Variants in NEBL observed in about 807,000 individuals in gnomAD.
The protein encoded by NEBL is nebulette.
In NEBL, 122 loss-of-function variants were observed where a neutral mutation model predicts 140.2. The ratio of observed to expected loss-of-function variants is 0.87; its 90% CI spans 0.75 to 1.01. NEBL has a LOEUF of 1.01. Ranked by LOEUF, NEBL falls within the 50% of genes least tolerant of loss-of-function variation. The probability of loss-of-function intolerance (pLI) is 0.00; values close to 1 mark genes in which losing one functional copy is unlikely to be tolerated. For missense variants in NEBL, 1,365 were observed against 1,231.3 expected (o/e 1.11, Z -1.62); for synonymous variants, 436 against 398.9 (o/e 1.09, Z -1.11).
intron 2 of NEBL, among the ~76,000 whole-genome samples, chr10:21,125,338 T>C (rs1245728251): frequency 6.6e-6 from 1 of 152,146 alleles, no homozygotes; most frequent in African/African-American, 2.4e-5. Flanking sequence ...GAGCTCCTTT[T>C]TACATCATAA....
intron 2 of NEBL, among the ~76,000 whole-genome samples, chr10:21,082,987 C>T (rs2131941800): frequency 6.6e-6 from 1 of 152,224 alleles, no homozygotes; most frequent in South Asian, 2.1e-4. Flanking sequence ...GTCTCGAACT[C>T]CTGACCTCAG....
rs1834935806 is a variant in NEBL at position 20,780,175 on chromosome 10, T to C, written c.*5572A>G. ...AAGCGTAGTGGGGGGAGAAAAGCAA[T>C]TGTGTTCTGTGATAAATGAGCCTTT... On this transcript the variant is annotated 3_prime_UTR_variant, in exon 28 of 28. Transcript: ENST00000377122. The C allele has an allele frequency of 6.6e-6, 1 of 152,100 alleles. No homozygotes were observed. The highest frequency in any genetic ancestry group is 2.4e-5 in the African/African-American group (1 of 41,418). The allele number at this position is 152,100 out of a possible 1,614,324, so 9.4% of individuals were successfully genotyped here. A position where few individuals can be genotyped will look rare whatever the true frequency, so the allele number is the denominator to read the frequency against.
chr10:20,874,156 A>T (rs1845250842), intron 5 of NEBL, among the ~76,000 whole-genome samples: 1 of 151,972 alleles, frequency 6.6e-6, no homozygotes. Flanking sequence ...TTATCTCTTT[A>T]TTCTTTCTCA....
intron 2 of NEBL, among the ~76,000 whole-genome samples, chr10:20,890,320 G>A (rs986535951): frequency 1.3e-5 from 2 of 152,154 alleles, no homozygotes; most frequent in Non-Finnish European, 2.9e-5. Context: ...ATAAGCCTTT[G>A]GCCAAACAGA....
intron 2 of NEBL, among the ~76,000 whole-genome samples, chr10:21,144,977 T>A: frequency 6.8e-6 from 1 of 147,224 alleles, no homozygotes; most frequent in Non-Finnish European, 1.5e-5. Flanking sequence ...AAAAGATATC[T>A]CTCCAAGCAC....
intron 2 of NEBL, among the ~76,000 whole-genome samples, chr10:21,107,189 G>T (rs1837758410): frequency 6.6e-6 from 1 of 152,234 alleles, no homozygotes; most frequent in Non-Finnish European, 1.5e-5. Flanking sequence ...TCTCTTGCCT[G>T]ATTGCCCTAA....
chr10:20,787,281 T>G lies in NEBL; in HGVS notation c.2789A>C (p.Gln930Pro), dbSNP rs1376071560. Residue 930 changes from glutamine (Q) to proline (P), a missense_variant, in exon 27 of 28, where the codon CAA (glutamine) becomes CCA (proline). This residue lies in a region of NEBL where 1,323 missense variants were observed against 1,154.8 expected (regional missense o/e 1.15). Transcript: ENST00000377122. ...GAPVLPGAYQ[Q>P]SHSQGYGYMH... The stretch of plus-strand genomic sequence containing the variant: ...GTAGCCATAGCCTTGGGAATGGCTT[T>G]GCTGATAGGCTCCGGGAAGAACAGG... 1 of 1,613,512 alleles carries G rather than the reference T, an allele frequency of 6.2e-7. No individual in the cohort carries two copies. The highest frequency in any genetic ancestry group is 1.7e-5 in the Admixed American group (1 of 59,970).
chr10:20,991,360 T>C (rs1419692010), intron 3 of NEBL, among the ~76,000 whole-genome samples: 1 of 152,184 alleles, frequency 6.6e-6, no homozygotes, highest in Admixed American at 6.5e-5. Flanking sequence ...GACAGTGTTA[T>C]AAACACTGTC....
At chr10:20,932,613 G>C (rs1436179318) in intron 4 of NEBL, among the ~76,000 whole-genome samples, 1 of 152,158 alleles carries the variant, frequency 6.6e-6, no homozygotes, top group African/African-American at 2.4e-5. Context: ...TTTAAGAAAA[G>C]AATAAGTATT....
chr10:20,800,495 A>G (rs1373341014), intron 26 of NEBL, among the ~76,000 whole-genome samples: 1 of 152,178 alleles, frequency 6.6e-6, no homozygotes, highest in South Asian at 2.1e-4. Context: ...ATATACCAGA[A>G]GAGGAACTGC....
At chr10:20,798,280 T>C (rs1198917988) in intron 26 of NEBL, among the ~76,000 whole-genome samples, 2 of 152,162 alleles carry the variant, frequency 1.3e-5, no homozygotes, top group African/African-American at 2.4e-5. Flanking sequence ...TTCCCCACTG[T>C]ATTATTTCCA....
chr10:21,212,379 C>T (rs935847988), intron 3 of NEBL, among the ~76,000 whole-genome samples: 8 of 152,102 alleles, frequency 5.3e-5, no homozygotes, highest in African/African-American at 1.9e-4. Flanking sequence ...ATCCTGGCCC[C>T]AACTTTCCTT....
intron 2 of NEBL, among the ~76,000 whole-genome samples, chr10:21,130,054 A>C (rs1381747881): frequency 5.3e-5 from 8 of 152,088 alleles, no homozygotes; most frequent in African/African-American, 1.9e-4. Flanking sequence ...TGAACGGAGA[A>C]AAAGATATCA....
At chr10:20,861,049 A>G (rs1023635741) in intron 7 of NEBL, among the ~76,000 whole-genome samples, 7 of 151,148 alleles carry the variant, frequency 4.6e-5, no homozygotes, top group African/African-American at 1.5e-4. Flanking sequence ...CTTTAAAAAA[A>G]GAAAAACTGA....
intron 8 of NEBL, among the ~76,000 whole-genome samples, chr10:20,859,434 C>T (rs1564392929): frequency 6.6e-6 from 1 of 151,978 alleles, no homozygotes; most frequent in Admixed American, 6.6e-5. Flanking sequence ...TTAATACAGA[C>T]CACTTCTCTG....
chr10:20,881,012 G>T, intron 4 of NEBL, 108 bp from the exon 5 acceptor site: 2 of 802,610 alleles, frequency 2.5e-6, no homozygotes, highest in Non-Finnish European at 4.3e-6. Flanking sequence ...ACCACTGATA[G>T]TTAATTTGCC....
At chr10:20,883,127 T>G (rs535675522) in intron 4 of NEBL, among the ~76,000 whole-genome samples, 1 of 152,348 alleles carries the variant, frequency 6.6e-6, no homozygotes, top group African/African-American at 2.4e-5. Flanking sequence ...GGACCATTCT[T>G]AATTAGAACT....
intron 26 of NEBL, among the ~76,000 whole-genome samples, chr10:20,803,284 T>C (rs1485143101): frequency 2.0e-5 from 3 of 152,166 alleles, no homozygotes; most frequent in East Asian, 1.9e-4. Flanking sequence ...AAAGAAATGA[T>C]AAATGTTCAA....
At chr10:21,017,674 A>G (rs1838609374) in intron 3 of NEBL, among the ~76,000 whole-genome samples, 1 of 152,116 alleles carries the variant, frequency 6.6e-6, no homozygotes, top group African/African-American at 2.4e-5. Flanking sequence ...GGCATCTATA[A>G]CCACTAACTG....
Sources: allele counts gnomAD v4.1 joint callset (sites outside exome capture counted in the v4.1 genomes callset), GRCh38; gene constraint gnomAD v4.1.1; regional missense constraint gnomAD v4.1.1; transcripts MANE v1.5; gene names NCBI Gene and HGNC (gene_info 2026-07-23, HGNC 2026-07-21).